Variants in TNK1 observed in about 807,000 individuals in gnomAD.
The protein encoded by TNK1 is tyrosine kinase non receptor 1.
TNK1 carries 53 observed loss-of-function variants against 65.2 expected under a neutral mutation model. The ratio of observed to expected loss-of-function variants is 0.81; its 90% CI spans 0.65 to 1.02. TNK1 has a LOEUF of 1.02. Among genes scored for constraint, TNK1 ranks in the 50% least tolerant of loss-of-function variants. The pLI is 0.00. For missense variants in TNK1, 837 were observed against 878.4 expected (o/e 0.95, Z 0.60); for synonymous variants, 353 against 364.6 (o/e 0.97, Z 0.36).
chr17:7,387,601 CTATT>C, intron 10 of TNK1, 144 bp downstream of exon 10: 43 of 510,864 alleles, frequency 8.4e-5, no homozygotes, highest in Middle Eastern at 4.5e-4. Flanking sequence ...ACTGTGCAAT[CTATT>C]TTTTTTTTTT....
In TNK1 at chr17:7,389,261, G is replaced by A. The variant is rs1245499889; in HGVS notation, c.*177G>A. ...AGCCCAGAGTTGGGCACTGGCAAAT[G>A]TCTCCTCCCTCCCATGCTCCTTGGC... On this transcript the variant is annotated 3_prime_UTR_variant, in exon 13 of 13. Coordinates refer to ENST00000688331, the MANE Select transcript of TNK1 (RefSeq NM_003985.6). 5.0e-6 allele frequency: 3 copies of A among 596,390 alleles called. No homozygotes were observed. The highest frequency in any genetic ancestry group is 3.7e-5 in the African/African-American group (2 of 53,790). 36.9% of individuals were successfully genotyped at this position (596,390 alleles called of 1,614,324 possible). A position where few individuals can be genotyped will look rare whatever the true frequency, so the allele number is the denominator to read the frequency against.
chr17:7,383,911 G>T, intron 5 of TNK1, 47 bp downstream of exon 5: 1 of 1,572,948 alleles, frequency 6.4e-7, no homozygotes. Flanking sequence ...TGCGGCAGGA[G>T]CGTGGGCGGC....
At chr17:7,385,943 C>T (rs1294111563) in intron 7 of TNK1, among the ~76,000 whole-genome samples, 1 of 152,154 alleles carries the variant, frequency 6.6e-6, no homozygotes, top group Non-Finnish European at 1.5e-5. Flanking sequence ...CCTAAAGTCA[C>T]ATGGTAAGTG....
rs1905227355 is a variant in TNK1 at position 7,387,171 on chromosome 17, G to A, written c.1397+17G>A. 6.4e-7 allele frequency: 1 copy of A among 1,560,936 alleles called. No homozygotes were observed. Among genetic ancestry groups the A allele is most frequent in the Non-Finnish European group, 8.7e-7 (1 of 1,151,872 alleles). ...CATAGATGGGTGAGGACCTGAAAGG[G>A]TGAGGGCAGGGGTTGGCTGGGAGAA... On this transcript the variant is annotated intron_variant, in intron 9 of 12. Coordinates refer to ENST00000688331, the MANE Select transcript of TNK1 (RefSeq NM_003985.6).
intron 10 of TNK1, among the ~76,000 whole-genome samples, chr17:7,387,771 A>C (rs577616963): frequency 6.6e-6 from 1 of 151,982 alleles, no homozygotes; most frequent in South Asian, 2.1e-4. Flanking sequence ...CACCCGGCTA[A>C]TTTTGTATTT....
At chr17:7,383,935 G>A in intron 5 of TNK1, 35 bp from the exon 6 acceptor site, 1 of 1,540,860 alleles carries the variant, frequency 6.5e-7, no homozygotes. Flanking sequence ...GGTCCAATGG[G>A]TCCGGCTCAC....
chr17:7,387,799 T>C (rs1905268703), intron 10 of TNK1, among the ~76,000 whole-genome samples: 1 of 152,116 alleles, frequency 6.6e-6, no homozygotes, highest in African/African-American at 2.4e-5. Context: ...AGATGAGGTT[T>C]CACCCTGTTG....
In TNK1 at chr17:7,388,603, C is replaced by G. The variant is rs1246673049; in HGVS notation, c.1675C>G (p.Pro559Ala). 4 of 1,613,992 alleles carry G rather than the reference C, an allele frequency of 2.5e-6. No individual in the cohort carries two copies. The Admixed American group carries it at 5.0e-5, about 20-fold the overall frequency. ...RERLPWPKRK[P>A]PHNHPMGMPG... ...GAGGCTTCCCTGGCCCAAAAGAAAA[C>G]CCCCACACAATCACCCCATGGGAAT... The change falls in exon 11 of 13, where the codon CCC (proline) becomes GCC (alanine). Residue 559 changes from proline (P) to alanine (A), a missense_variant. Pro to Ala is a conservative substitution (Grantham distance 27). Transcript: ENST00000688331. The surrounding 1 kb of genome is among the most constrained non-coding windows in gnomAD (Gnocchi z 4.5).
Position 7,389,163 on chromosome 17 carries a change from C to A in TNK1, c.*79C>A. ...CCTGGCCACATGGGACCAAGCGGAA[C>A]CAGAACAAGGTCCCGACAGGGGTAG... On this transcript the variant is annotated 3_prime_UTR_variant, in exon 13 of 13. Transcript: ENST00000688331. The A allele has an allele frequency of 8.4e-7, 1 of 1,188,400 alleles. No individual in the cohort carries two copies. The highest frequency in any genetic ancestry group is 1.2e-6 in the Non-Finnish European group (1 of 830,810). 73.6% of individuals were successfully genotyped at this position (1,188,400 alleles called of 1,614,324 possible).
rs1904858369 is a variant in TNK1 at position 7,382,231 on chromosome 17, AT to A, written c.-91-603del. Among the ~76,000 whole-genome samples the A allele has an allele frequency of 6.8e-6, 1 of 146,568 alleles. No homozygotes were observed. The highest frequency in any genetic ancestry group is 7.0e-5 in the Admixed American group (1 of 14,296). On this transcript the variant is annotated intron_variant, in intron 1 of 12. Transcript: ENST00000688331. The surrounding 1 kb of genome is among the most constrained non-coding windows in gnomAD (Gnocchi z 4.1). ...CAGCGAGCTGAGATCACGCCACTGC[AT>A]TCCAGCCTAGATGACAGAGCGAGAC...
At position 7,384,687 on chromosome 17, in the gene TNK1, TGC is replaced by T. The variant is rs769128570; in HGVS notation, c.1073_1074del (p.Arg358LeufsTer11). On this transcript the variant is annotated frameshift_variant, in exon 7 of 13. Transcript: ENST00000688331. LOFTEE classifies it high-confidence loss of function. The stretch of plus-strand genomic sequence containing the variant: ...TCCAGGGCCCTCTACTCCCTCGCCT[TGC>T]GCTGCTGGGCCCCCCACCCTGCCGA... 3 of 1,596,338 alleles carry T rather than the reference TGC, an allele frequency of 1.9e-6. No homozygotes were observed. Among genetic ancestry groups the T allele is most frequent in the Non-Finnish European group, 2.6e-6 (3 of 1,173,090 alleles).
chr17:7,383,676 G>T, intron 4 of TNK1, 33 bp from the exon 5 acceptor site: 1 of 1,603,346 alleles, frequency 6.2e-7, no homozygotes, highest in Non-Finnish European at 8.5e-7. Context: ...CTTCATGCCC[G>T]CAATGCCTAA....
In TNK1 at chr17:7,383,767, T is replaced by C; in HGVS notation, c.485T>C (p.Leu162Pro). 1 of 1,612,930 alleles carries C rather than the reference T, an allele frequency of 6.2e-7. No individual in the cohort carries two copies. Among genetic ancestry groups the C allele is most frequent in the Non-Finnish European group, 8.5e-7 (1 of 1,179,464 alleles). The change falls in exon 5 of 13, where the codon CTG (leucine) becomes CCG (proline). Residue 162 changes from leucine to proline, a missense_variant. Transcript: ENST00000688331. ...VGPEGPMGTE[L>P]GDFLREVSVM... ...CCCGAAGGCCCGATGGGCACAGAAC[T>C]GGGGGACTTCCTGCGAGAGGTATCG...
intron 7 of TNK1, among the ~76,000 whole-genome samples, chr17:7,385,026 C>G (rs1168242282): frequency 6.6e-6 from 1 of 152,096 alleles, no homozygotes; most frequent in African/African-American, 2.4e-5. Flanking sequence ...CGTGTTGACA[C>G]GCAGAGGAAG....
At position 7,384,897 on chromosome 17, in the gene TNK1, C is replaced by T. The variant is rs1002665972; in HGVS notation, c.1137+143C>T. 15 of 1,158,666 alleles carry T rather than the reference C, an allele frequency of 1.3e-5. No homozygotes were observed. The African/African-American group carries it at 1.9e-4, about 14-fold the overall frequency. 71.8% of individuals were successfully genotyped at this position (1,158,666 alleles called of 1,614,324 possible). A position where few individuals can be genotyped will look rare whatever the true frequency, so the allele number is the denominator to read the frequency against. ...TGAGCAAAACAGATGCAGTCCCTAC[C>T]TGCAGGGAGATCAGAGCCCTGGGGA... On this transcript the variant is annotated intron_variant, in intron 7 of 12. Transcript: ENST00000688331.
intron 7 of TNK1, among the ~76,000 whole-genome samples, chr17:7,385,605 C>T (rs1394984672): frequency 2.0e-5 from 3 of 152,034 alleles, no homozygotes; most frequent in African/African-American, 7.2e-5. Context: ...TGCTCTGTCA[C>T]CCTAGCTGGA....
rs745567602 is a variant in TNK1 at position 7,387,339 on chromosome 17, G to C, written c.1398-39G>C. ...GGTATATTGATCTGTGGGGTGGGGA[G>C]AGTTGGTGTGGAGGATGAACTGGAT... On this transcript the variant is annotated intron_variant, in intron 9 of 12. Transcript: ENST00000688331. 1.9e-6 allele frequency: 3 copies of C among 1,576,418 alleles called. No individual in the cohort carries two copies. The East Asian group carries it at 7.0e-5, about 37-fold the overall frequency.
chr17:7,385,103 G>A (rs775840930), intron 7 of TNK1, among the ~76,000 whole-genome samples: 10 of 152,152 alleles, frequency 6.6e-5, no homozygotes, highest in South Asian at 2.1e-4. Context: ...GGTGGCTCAC[G>A]TCTCTAATCC....
At position 7,389,234 on chromosome 17, in the gene TNK1, G is replaced by A. The variant is rs1905428018; in HGVS notation, c.*150G>A. On this transcript the variant is annotated 3_prime_UTR_variant, in exon 13 of 13. Transcript: ENST00000688331. ...CCACCTGCCGTAGGCACATGGAGGA[G>A]GAGCCCAGAGTTGGGCACTGGCAAA... The A allele has an allele frequency of 1.6e-6, 1 of 642,344 alleles. No homozygotes were observed. Among genetic ancestry groups the A allele is most frequent in the African/African-American group, 1.8e-5 (1 of 54,708 alleles). The allele number at this position is 642,344 out of a possible 1,614,324, so 39.8% of individuals were successfully genotyped here.
Sources: gnomAD v4.1 joint callset for allele counts (sites outside exome capture counted in the v4.1 genomes callset) on GRCh38, gnomAD v4.1.1 for gene constraint, Gnocchi (gnomAD v3.1) non-coding constraint, MANE v1.5 for transcripts, NCBI Gene and HGNC (gene_info 2026-07-23, HGNC 2026-07-21) for gene names.